The following MACROD2 variants were observed in gnomAD, a reference collection of about 807,000 sequenced individuals.
MACROD2 encodes ADP-ribose glycohydrolase MACROD2.
Under a neutral mutation model 70.4 loss-of-function variants are expected in MACROD2, and 36 were observed. The ratio of observed to expected loss-of-function variants is 0.51; its 90% CI spans 0.39 to 0.68. MACROD2 has a LOEUF of 0.68. MACROD2 is among the 30% of genes least tolerant of loss of function. MACROD2 has a pLI of 0.00. For missense variants in MACROD2, 496 were observed against 538.4 expected (o/e 0.92, Z 0.78); for synonymous variants, 172 against 178.8 (o/e 0.96, Z 0.30).
At chr20:14,939,027 G>T (rs1404758410) in intron 5 of MACROD2, among the ~76,000 whole-genome samples, 1 of 143,066 alleles carries the variant, frequency 7.0e-6, no homozygotes, top group African/African-American at 2.6e-5. Context: ...GGGATACTCT[G>T]CACATATTTC....
chr20:15,475,204 A>G (rs534157420), intron 7 of MACROD2, among the ~76,000 whole-genome samples: 4 of 152,300 alleles, frequency 2.6e-5, no homozygotes, highest in African/African-American at 9.6e-5. Flanking sequence ...AGACTTGAGC[A>G]TCTGTGGTTT....
At chr20:15,456,258 A>G (rs6034195) in intron 7 of MACROD2, among the ~76,000 whole-genome samples, 58,702 of 151,984 alleles carry the variant, frequency 0.39, 11,929 homozygotes, top group East Asian at 0.72. Context: ...CCTAAAACAC[A>G]TCCTTTGCTT....
chr20:15,545,365 C>T (rs2048012785), intron 8 of MACROD2, among the ~76,000 whole-genome samples: 1 of 152,094 alleles, frequency 6.6e-6, no homozygotes, highest in Non-Finnish European at 1.5e-5. Flanking sequence ...GGTTGTAATC[C>T]CAAGAACATA....
chr20:15,136,085 T>A (rs1389230803), intron 5 of MACROD2, among the ~76,000 whole-genome samples: 1 of 146,340 alleles, frequency 6.8e-6, no homozygotes, highest in Non-Finnish European at 1.5e-5. Context: ...TGGAAGAACA[T>A]TCCATGCTCA....
At chr20:15,257,806 TA>T (rs1246805919) in intron 6 of MACROD2, among the ~76,000 whole-genome samples, 2 of 152,068 alleles carry the variant, frequency 1.3e-5, no homozygotes, top group Admixed American at 1.3e-4. Flanking sequence ...TTTCTACTTA[TA>T]AAAAAATACA....
Position 15,416,839 on chromosome 20 carries a change from CTT to C in MACROD2, c.541-14565_541-14564del, listed in dbSNP as rs1280797265. 4.6e-5 allele frequency among the ~76,000 whole-genome samples: 7 copies of C among 151,870 alleles called. No individual in the cohort carries two copies. The East Asian group carries it at 1.4e-3, about 30-fold the overall frequency. On this transcript the variant is annotated intron_variant, in intron 6 of 17. Transcript: ENST00000684519. ...AATGGCGTGAACCCGGGAGGCAGAG[CTT>C]GCAGTGAGCCGAGATCGCGCCACTG...
chr20:15,654,253 A>G (rs567923074), intron 8 of MACROD2, among the ~76,000 whole-genome samples: 1 of 152,282 alleles, frequency 6.6e-6, no homozygotes, highest in African/African-American at 2.4e-5. Flanking sequence ...TTTCACTTCT[A>G]ACCCCATTTA....
rs575646269 is a variant in MACROD2 at position 15,338,708 on chromosome 20, G to A, written c.541-92697G>A. On this transcript the variant is annotated intron_variant, in intron 6 of 17. Transcript: ENST00000684519. ...TAGGGGGGTAAGTTACTTGCCTAAC[G>A]TCTTTTAGTACAAGATGGGGCTTGG... 4.1e-4 allele frequency among the ~76,000 whole-genome samples: 62 copies of A among 151,676 alleles called. No homozygotes were observed. In the South Asian group the frequency reaches 5.4e-3, roughly 13 times the overall value.
intron 5 of MACROD2, among the ~76,000 whole-genome samples, chr20:14,688,343 G>C (rs896129176): frequency 1.3e-5 from 2 of 152,100 alleles, no homozygotes; most frequent in South Asian, 2.1e-4. Flanking sequence ...TTTTATGCTT[G>C]CTAAATTAAT....
chr20:14,991,022 CA>C (rs1301806064), intron 5 of MACROD2, among the ~76,000 whole-genome samples: 1 of 152,124 alleles, frequency 6.6e-6, no homozygotes, highest in African/African-American at 2.4e-5. Flanking sequence ...TCTTTTTCAA[CA>C]TTTATTTAGT....
intron 8 of MACROD2, among the ~76,000 whole-genome samples, chr20:15,627,063 C>T (rs1281300346): frequency 1.3e-5 from 2 of 151,986 alleles, no homozygotes; most frequent in Non-Finnish European, 2.9e-5. Context: ...TTGAAATGCT[C>T]TTTGGGGTAA....
rs2122916144 is a variant in MACROD2 at position 15,006,173 on chromosome 20, G to GTT, written c.419-223766_419-223765insTT. Among the ~76,000 whole-genome samples the GTT allele has an allele frequency of 1.3e-5, 2 of 151,554 alleles. 1 individual carries two copies. Among genetic ancestry groups the GTT allele is most frequent in the South Asian group, 4.2e-4 (2 of 4,778 alleles). On this transcript the variant is annotated intron_variant, in intron 5 of 17. Coordinates refer to ENST00000684519, the MANE Select transcript of MACROD2 (RefSeq NM_001351661.2). ...TGTGTGTGTGTGTGTGTGTGTGTGTGTGTGTGTGTACGTTGGAATATTATG... is the reference window on the plus strand; with the variant it reads ...TGTGTGTGTGTGTGTGTGTGTGTGTGTTTGTGTGTGTACGTTGGAATATTATG...
intron 10 of MACROD2, among the ~76,000 whole-genome samples, chr20:15,892,359 A>G (rs1246199405): frequency 6.6e-6 from 1 of 152,204 alleles, no homozygotes; most frequent in Non-Finnish European, 1.5e-5. Flanking sequence ...TCAGACTTTA[A>G]TTTATTTGCC....
intron 5 of MACROD2, among the ~76,000 whole-genome samples, chr20:14,920,495 T>C (rs532084686): frequency 2.0e-5 from 3 of 152,322 alleles, no homozygotes; most frequent in African/African-American, 7.2e-5. Flanking sequence ...TCGTTAAAAA[T>C]GTTCTCAGGT....
intron 5 of MACROD2, among the ~76,000 whole-genome samples, chr20:15,120,264 G>A (rs1323695466): frequency 1.7e-5 from 1 of 58,774 alleles, no homozygotes. Context: ...AAGGGGGAGT[G>A]TGTGTGTGTG....
intron 8 of MACROD2, among the ~76,000 whole-genome samples, chr20:15,678,745 G>C (rs539044157): frequency 5.2e-4 from 79 of 152,282 alleles, no homozygotes; most frequent in Non-Finnish European, 9.8e-4. Flanking sequence ...AACTGAGAGA[G>C]AGAAAGGAAG....
chr20:15,650,133 C>CCAAA (rs2049621423), intron 8 of MACROD2, among the ~76,000 whole-genome samples: 1 of 152,088 alleles, frequency 6.6e-6, no homozygotes, highest in Non-Finnish European at 1.5e-5. Flanking sequence ...TGGGGAAGGA[C>CCAAA]TTGCTGCTTC....
chr20:15,487,028 G>T (rs2047171586), intron 7 of MACROD2, among the ~76,000 whole-genome samples: 2 of 152,120 alleles, frequency 1.3e-5, no homozygotes, highest in African/African-American at 4.8e-5. Context: ...TTTCATTTCA[G>T]GTACCTGTCT....
chr20:15,324,040 A>G (rs565113208), intron 6 of MACROD2, among the ~76,000 whole-genome samples: 3 of 152,168 alleles, frequency 2.0e-5, no homozygotes, highest in Non-Finnish European at 4.4e-5. Flanking sequence ...AAGGAACAAG[A>G]TCTCTACAAT....
Sources: allele counts gnomAD v4.1 joint callset (sites outside exome capture counted in the v4.1 genomes callset), GRCh38; gene constraint gnomAD v4.1.1; transcripts MANE v1.5; gene names NCBI Gene and HGNC (gene_info 2026-07-23, HGNC 2026-07-21).